Variants in SLIT2 observed in about 807,000 individuals in gnomAD.
The protein encoded by SLIT2 is slit guidance ligand 2.
A neutral mutation model predicts 185.7 loss-of-function variants in SLIT2; 41 were observed. The ratio of observed to expected loss-of-function variants is 0.22; its 90% CI spans 0.17 to 0.29. The LOEUF is 0.29. Ranked by LOEUF, SLIT2 falls within the 10% of genes least tolerant of loss-of-function variation. The pLI, the probability that SLIT2 is intolerant of heterozygous loss-of-function variation, is 1.00. For missense variants in SLIT2, 1,571 were observed against 1,909.0 expected (o/e 0.82, Z 3.30); for synonymous variants, 693 against 680.2 (o/e 1.02, Z -0.29).
intron 4 of SLIT2, among the ~76,000 whole-genome samples, chr4:20,455,298 A>T (rs567213296): frequency 1.3e-5 from 2 of 152,260 alleles, no homozygotes. Flanking sequence ...ATATAATCTA[A>T]TGTCTAGAGG....
chr4:20,279,720 A>G (rs1388304626), intron 4 of SLIT2, among the ~76,000 whole-genome samples: 2 of 152,188 alleles, frequency 1.3e-5, no homozygotes, highest in African/African-American at 2.4e-5. Flanking sequence ...TGAGCTTACT[A>G]TGGTACTTGG....
At chr4:20,338,918 C>T (rs1227502765) in intron 4 of SLIT2, among the ~76,000 whole-genome samples, 4 of 151,628 alleles carry the variant, frequency 2.6e-5, no homozygotes, top group Non-Finnish European at 5.9e-5. Context: ...AGAGAGAGAT[C>T]CCATCTCAAC....
At chr4:20,481,741 C>G (rs1039010387) in intron 6 of SLIT2, among the ~76,000 whole-genome samples, 4 of 151,908 alleles carry the variant, frequency 2.6e-5, no homozygotes, top group African/African-American at 9.7e-5. Context: ...GAATATCATT[C>G]TGAAAAATTA....
At chr4:20,561,854 A>G (rs1212016748) in intron 26 of SLIT2, among the ~76,000 whole-genome samples, 2 of 151,798 alleles carry the variant, frequency 1.3e-5, no homozygotes, top group African/African-American at 2.4e-5. Flanking sequence ...ACACTGGGAA[A>G]AACTTAACAG....
intron 4 of SLIT2, among the ~76,000 whole-genome samples, chr4:20,450,035 A>G (rs1051966122): frequency 2.6e-5 from 4 of 152,176 alleles, no homozygotes; most frequent in Admixed American, 1.3e-4. Flanking sequence ...GTAACTAAGA[A>G]CCTGCATTCT....
Position 20,488,870 on chromosome 4 carries a change from C to T in SLIT2, c.663C>T (p.Ser221=), listed in dbSNP as rs117793863. 0.019 allele frequency: 29,926 copies of T among 1,611,090 alleles called. 538 individuals are homozygous for T. Among genetic ancestry groups the T allele is most frequent in the South Asian group, 0.076 (6,939 of 90,794 alleles). Residue 221 remains serine, a synonymous_variant, in exon 8 of 37, where the codon TCC becomes TCT. Coordinates refer to ENST00000504154, the MANE Select transcript of SLIT2 (RefSeq NM_004787.4). ...GTGACTGCCACCTGGCCTGGCTCTC[C>T]GACTGGCTTCGCCAAAGGCCTCGGG... ...LYCDCHLAWL[S]DWLRQRPRVG... is the part of the protein sequence containing the mutation.
Position 20,415,283 on chromosome 4 carries a change from C to T in SLIT2, c.396-52469C>T, listed in dbSNP as rs765391116. ...AAAATTAGCTGGGCGTGGTGGCGGG[C>T]GCCTGTAGTCCCAGCTACTCAGGAG... On this transcript the variant is annotated intron_variant, in intron 4 of 36. Transcript: ENST00000504154. Among the ~76,000 whole-genome samples the T allele has an allele frequency of 5.3e-4, 81 of 151,926 alleles. 1 individual carries two copies. The highest frequency in any genetic ancestry group is 1.4e-3 in the Admixed American group (22 of 15,272).
intron 3 of SLIT2, among the ~76,000 whole-genome samples, chr4:20,266,962 A>C (rs1713092990): frequency 6.6e-6 from 1 of 151,982 alleles, no homozygotes; most frequent in Non-Finnish European, 1.5e-5. Flanking sequence ...GCTAGAGAAT[A>C]ACAAATGAGG....
chr4:20,569,067 C>T (rs750892049), intron 29 of SLIT2, 63 bp downstream of exon 29: 1 of 1,340,966 alleles, frequency 7.5e-7, no homozygotes, highest in East Asian at 2.3e-5. Flanking sequence ...ATCATTGGAA[C>T]TATGTTATAT....
chr4:20,467,304 T>A lies in SLIT2; in HGVS notation c.396-448T>A, dbSNP rs117060180. On this transcript the variant is annotated intron_variant, in intron 4 of 36. Coordinates refer to ENST00000504154, the MANE Select transcript of SLIT2 (RefSeq NM_004787.4). ...AATCATACTGTCCAGGTTTTATCAGTTTTTACCCACTCTACTCTGGGAAAT... is the reference window on the plus strand; with the variant it reads ...AATCATACTGTCCAGGTTTTATCAGATTTTACCCACTCTACTCTGGGAAAT... Among the ~76,000 whole-genome samples the A allele has an allele frequency of 1.9e-3, 295 of 152,210 alleles. 6 individuals are homozygous for A. The East Asian group carries it at 0.036, about 19-fold the overall frequency.
chr4:20,612,325 A>G (rs1310210478), intron 34 of SLIT2, among the ~76,000 whole-genome samples: 2 of 143,912 alleles, frequency 1.4e-5, no homozygotes, highest in Non-Finnish European at 3.1e-5. Flanking sequence ...AAAAAAAAAG[A>G]GGAAAAAAAG....
intron 4 of SLIT2, among the ~76,000 whole-genome samples, chr4:20,396,665 C>A (rs115791174): frequency 1.3e-5 from 2 of 151,246 alleles, no homozygotes; most frequent in African/African-American, 4.9e-5. Flanking sequence ...CTCTTCATTG[C>A]GATACTCATA....
intron 4 of SLIT2, among the ~76,000 whole-genome samples, chr4:20,352,578 C>A (rs1173499345): frequency 6.6e-6 from 1 of 152,092 alleles, no homozygotes; most frequent in Non-Finnish European, 1.5e-5. Flanking sequence ...GGGCTCAAGG[C>A]ATATTAAACT....
chr4:20,257,916 G>A lies in SLIT2; in HGVS notation c.300G>A (p.Gln100=). The A allele has an allele frequency of 6.4e-7, 1 of 1,556,438 alleles. No homozygotes were observed. The highest frequency in any genetic ancestry group is 8.8e-7 in the Non-Finnish European group (1 of 1,130,912). Reference sequence around the variant, plus strand: ...GCACCATTGAAAGAGGAGCATTCCAGGATCTTAAAGAACTAGAGAGACTGT... The same window carrying A: ...GCACCATTGAAAGAGGAGCATTCCAAGATCTTAAAGAACTAGAGAGACTGT... ...KISTIERGAF[Q]DLKELERLRL... is the part of the protein sequence containing the mutation. Residue 100 remains glutamine, a synonymous_variant, in exon 3 of 37, where the codon CAG becomes CAA. Transcript: ENST00000504154.
At chr4:20,571,884 T>C (rs1291094051) in intron 29 of SLIT2, among the ~76,000 whole-genome samples, 5 of 152,240 alleles carry the variant, frequency 3.3e-5, no homozygotes, top group Non-Finnish European at 7.3e-5. Context: ...AGTTTTTGTA[T>C]TTGACACCTA....
chr4:20,329,090 T>C (rs189861181), intron 4 of SLIT2, among the ~76,000 whole-genome samples: 1 of 152,166 alleles, frequency 6.6e-6, no homozygotes, highest in African/African-American at 2.4e-5. Flanking sequence ...AGATAGAAGA[T>C]AGCTTAGCAT....
At chr4:20,346,267 A>T (rs1721403926) in intron 4 of SLIT2, among the ~76,000 whole-genome samples, 1 of 152,124 alleles carries the variant, frequency 6.6e-6, no homozygotes, top group Non-Finnish European at 1.5e-5. Flanking sequence ...AAGTGTTGAG[A>T]TTACAGGCAT....
At chr4:20,521,906 C>T (rs551972926) in intron 12 of SLIT2, among the ~76,000 whole-genome samples, 1 of 151,922 alleles carries the variant, frequency 6.6e-6, no homozygotes, top group East Asian at 1.9e-4. Flanking sequence ...TGAGGCATAC[C>T]CAAACCACAT....
chr4:20,612,311 CAAAA>C (rs770199955), intron 34 of SLIT2, among the ~76,000 whole-genome samples: 5 of 126,112 alleles, frequency 4.0e-5, no homozygotes, highest in Admixed American at 1.6e-4. Context: ...CGCCCCCCGC[CAAAA>C]AAAAAAAAGA....
Sources: gnomAD v4.1 joint callset for allele counts (sites outside exome capture counted in the v4.1 genomes callset) on GRCh38, gnomAD v4.1.1 for gene constraint, MANE v1.5 for transcripts, NCBI Gene and HGNC (gene_info 2026-07-23, HGNC 2026-07-21) for gene names.